Variants in ENTR1 observed in about 807,000 individuals in gnomAD.
ENTR1 encodes the protein endosome associated trafficking regulator 1, also known as endosome-associated-trafficking regulator 1.
ENTR1 carries 47 observed loss-of-function variants against 47.9 expected under a neutral mutation model. The ratio of observed to expected loss-of-function variants is 0.98; its 90% CI spans 0.78 to 1.25. ENTR1 has a LOEUF of 1.25. ENTR1 is among the 50% of genes most tolerant of loss of function. The pLI, the probability that ENTR1 is intolerant of heterozygous loss-of-function variation, is 0.00. For synonymous variants in ENTR1, 290 were observed against 245.8 expected (o/e 1.18, Z -1.68); for missense variants, 668 against 570.5 (o/e 1.17, Z -1.74).
Position 136,407,331 on chromosome 9 carries a change from G to T in ENTR1, c.633C>A (p.Tyr211Ter). 2 of 1,610,290 alleles carry T rather than the reference G, an allele frequency of 1.2e-6. No homozygotes were observed. Among genetic ancestry groups the T allele is most frequent in the South Asian group, 2.2e-5 (2 of 90,684 alleles). Residue 211 changes from tyrosine (Y) to a stop codon, truncating the protein, a stop_gained, in exon 5 of 10, where the codon TAC becomes TAA. Transcript: ENST00000357365. LOFTEE classifies it high-confidence loss of function. ...VPAGTSPCST[Y>*]LSFFSTPSEL... ...CCGACGGGGTGGAGAAAAAGGAAAGGTATGTGCTGCAGGGCGACGTGCCGG... is the reference window on the plus strand; with the variant it reads ...CCGACGGGGTGGAGAAAAAGGAAAGTTATGTGCTGCAGGGCGACGTGCCGG...
chr9:136,404,690 G>A lies in ENTR1; in HGVS notation c.1009C>T (p.Arg337Trp), dbSNP rs1332342756. 1.7e-5 allele frequency: 28 copies of A among 1,613,808 alleles called. No individual in the cohort carries two copies. Among genetic ancestry groups the A allele is most frequent in the East Asian group, 6.7e-5 (3 of 44,886 alleles). ...ACGTGGTTTTCTGCCTTTACAGCCC[G>A]TTTCTGTTACCCAAAAAAGAAAAAC... ...VEQNLELMTK[R>W]AVKAENHVVK... Residue 337 changes from arginine (R) to tryptophan (W), a missense_variant, in exon 8 of 10, where the codon CGG (arginine) becomes TGG (tryptophan). By Grantham distance (101) the Arg-to-Trp change is moderately radical (BLOSUM62 -3). Transcript: ENST00000357365.
At chr9:136,405,847 C>T (rs1042671439) in intron 6 of ENTR1, 58 bp downstream of exon 6, 202 of 1,064,710 alleles carry the variant, frequency 1.9e-4, no homozygotes, top group Non-Finnish European at 2.6e-4. Flanking sequence ...CATTTAAAAA[C>T]GGATTTCCCT....
At position 136,407,186 on chromosome 9, in the gene ENTR1, C is replaced by G. The variant is rs745653352; in HGVS notation, c.778G>C (p.Gly260Arg). Residue 260 changes from glycine (G) to arginine (R), a missense_variant, in exon 5 of 10, where the codon GGA becomes CGA. Physicochemically the swap from Gly to Arg is moderately radical, Grantham distance 125. Transcript: ENST00000357365. ...TGCAGCGTCCGCAGGTGCCTGTCTC[C>G]CAGAGACTCTCCATGAACCGCAAAG... ...ADFAVHGESL[G>R]DRHLRTLQIS... The G allele has an allele frequency of 6.2e-7, 1 of 1,610,970 alleles. No individual in the cohort carries two copies. The highest frequency in any genetic ancestry group is 8.5e-7 in the Non-Finnish European group (1 of 1,178,438).
chr9:136,408,918 T>C, intron 3 of ENTR1, 81 bp downstream of exon 3: 1 of 1,049,206 alleles, frequency 9.5e-7, no homozygotes, highest in Non-Finnish European at 1.5e-6. Context: ...ACATAGCCAG[T>C]CACATTGACA....
At chr9:136,405,695 T>C (rs143514627) in intron 6 of ENTR1, among the ~76,000 whole-genome samples, 2 of 152,372 alleles carry the variant, frequency 1.3e-5, no homozygotes, top group Non-Finnish European at 2.9e-5. Context: ...TGAGCCGTGA[T>C]TGCGCCACTG....
At position 136,407,563 on chromosome 9, in the gene ENTR1, TAAA is replaced by T. The variant is rs36076555; in HGVS notation, c.403-5_403-3del. On this transcript the variant is annotated splice_polypyrimidine_tract_variant and splice_region_variant and intron_variant, in intron 4 of 9. Transcript: ENST00000357365. ...TCCCAGGGAATGCCTCGAGGCTTCCTAAAAAAAAAAAAAAAAAAAAAACAATGG... is the reference window on the plus strand; with the variant it reads ...TCCCAGGGAATGCCTCGAGGCTTCCTAAAAAAAAAAAAAAAAAAACAATGG... The T allele has an allele frequency of 0.18, 226,215 of 1,286,160 alleles. 2,127 individuals carry two copies. The highest frequency in any genetic ancestry group is 0.24 in the Admixed American group (7,095 of 29,296). 79.7% of individuals were successfully genotyped at this position (1,286,160 alleles called of 1,614,324 possible). A position where few individuals can be genotyped will look rare whatever the true frequency, so the allele number is the denominator to read the frequency against.
At position 136,407,494 on chromosome 9, in the gene ENTR1, A is replaced by AG; in HGVS notation, c.469dup (p.Leu157ProfsTer16). 1 of 1,608,346 alleles carries AG rather than the reference A, an allele frequency of 6.2e-7. No homozygotes were observed. The highest frequency in any genetic ancestry group is 1.7e-5 in the Admixed American group (1 of 59,628). ...CTCGAAAAATGGCTGCTGATACTCC[A>AG]GGCCATACCCGCCGGTTTGGGAGGG... On this transcript the variant is annotated frameshift_variant, in exon 5 of 10. Transcript: ENST00000357365. LOFTEE classifies it high-confidence loss of function.
chr9:136,407,723 C>T, intron 4 of ENTR1, 103 bp downstream of exon 4: 2 of 1,350,320 alleles, frequency 1.5e-6, no homozygotes, highest in South Asian at 2.6e-5. Flanking sequence ...GCACTGACGC[C>T]TGCCTGCTCT....
chr9:136,407,475 A>G lies in ENTR1; in HGVS notation c.489T>C (p.Phe163=), dbSNP rs765174307. 6.2e-7 allele frequency: 1 copy of G among 1,611,244 alleles called. No homozygotes were observed. Among genetic ancestry groups the G allele is most frequent in the Admixed American group, 1.7e-5 (1 of 59,960 alleles). The change falls in exon 5 of 10, where the codon TTT becomes TTC. Residue 163 remains phenylalanine, a synonymous_variant. Coordinates refer to ENST00000357365, the MANE Select transcript of ENTR1 (RefSeq NM_001039707.2). ...GGYGLEYQQP[F]FEDPTGAGDL... The stretch of plus-strand genomic sequence containing the variant: ...CACCAGCCCCTGTCGGATCCTCGAA[A>G]AATGGCTGCTGATACTCCAGGCCAT...
In ENTR1 at chr9:136,410,204, G is replaced by A. The variant is rs1310013493; in HGVS notation, c.106C>T (p.Gln36Ter). 3.8e-6 allele frequency: 6 copies of A among 1,599,468 alleles called. No homozygotes were observed. The highest frequency in any genetic ancestry group is 1.7e-4 in the Middle Eastern group (1 of 6,044). The stretch of plus-strand genomic sequence containing the variant: ...CCATGGGGGCGCTCACAATTTAGCT[G>A]GGGGAGACAAGACCGGCGCTCATAG... Reference protein sequence around the residue: ...AFYERRSCLPQLNCERPHGRD... With the variant: ...AFYERRSCLP Residue 36 changes from glutamine (Q) to a stop codon, truncating the protein, a stop_gained, in exon 2 of 10, where the codon CAG becomes TAG. Transcript: ENST00000357365. LOFTEE classifies it high-confidence loss of function.
chr9:136,403,944 G>A (rs1466133225), intron 9 of ENTR1, 111 bp downstream of exon 9: 3 of 1,310,908 alleles, frequency 2.3e-6, no homozygotes, highest in African/African-American at 1.5e-5. Flanking sequence ...GCAGCTCCCT[G>A]GTCCTCCAGC....
chr9:136,404,495 G>A, intron 8 of ENTR1, 136 bp downstream of exon 8: 1 of 965,472 alleles, frequency 1.0e-6, no homozygotes, highest in Non-Finnish European at 1.6e-6. Flanking sequence ...GGAAGCGGCT[G>A]CTGTCCTCAT....
rs756787757 is a variant in ENTR1 at position 136,409,948 on chromosome 9, C to T, written c.220+142G>A. 5 of 1,022,154 alleles carry T rather than the reference C, an allele frequency of 4.9e-6. No homozygotes were observed. In the South Asian group the frequency reaches 6.8e-5, roughly 14 times the overall value. The allele number at this position is 1,022,154 out of a possible 1,614,324, so 63.3% of individuals were successfully genotyped here. On this transcript the variant is annotated intron_variant, in intron 2 of 9. Coordinates refer to ENST00000357365, the MANE Select transcript of ENTR1 (RefSeq NM_001039707.2). ...ACTGTGAGCTCCTAGCAGGGGACTC[C>T]GCCTTTGAATTCCGAGTGCCTGGCA...
rs761319963 is a variant in ENTR1 at position 136,407,251 on chromosome 9, C to G, written c.713G>C (p.Arg238Pro). Reference protein sequence around the residue: ...PSWALSDTDSRVSPASPAGSP... With the variant: ...PSWALSDTDSPVSPASPAGSP... ...CCCTGCCGGAGAGGCCGGAGACACG[C>G]GAGAATCAGTGTCACTCAACGCCCA... The change falls in exon 5 of 10, where the codon CGC (arginine) becomes CCC (proline). Residue 238 changes from arginine to proline, a missense_variant. Transcript: ENST00000357365. 1.2e-6 allele frequency: 2 copies of G among 1,613,098 alleles called. No homozygotes were observed. The highest frequency in any genetic ancestry group is 8.5e-7 in the Non-Finnish European group (1 of 1,179,980).
rs921970593 is a variant in ENTR1, at chr9:136,410,610, G to T, written c.-213C>A. 7.7e-7 allele frequency: 1 copy of T among 1,302,744 alleles called. No individual in the cohort carries two copies. The highest frequency in any genetic ancestry group is 9.8e-7 in the Non-Finnish European group (1 of 1,020,506). The allele number at this position is 1,302,744 out of a possible 1,614,324, so 80.7% of individuals were successfully genotyped here. On this transcript the variant is annotated 5_prime_UTR_variant, in exon 1 of 10. Transcript: ENST00000357365. ...TGAACGCCTTGGGCCGTCGGCGAGG[G>T]GGAGGGGAAGCCGTGGGCGGAAGCG...
chr9:136,408,594 A>C (rs150819473), intron 3 of ENTR1, among the ~76,000 whole-genome samples: 46 of 151,600 alleles, frequency 3.0e-4, no homozygotes, highest in African/African-American at 7.5e-4. Context: ...CAACAACAAC[A>C]ACCAGCTCCT....
At position 136,407,563 on chromosome 9, in the gene ENTR1, TAAAAA is replaced by T. The variant is rs36076555; in HGVS notation, c.403-7_403-3del. 1,317 of 1,317,302 alleles carry T rather than the reference TAAAAA, an allele frequency of 1.0e-3. No homozygotes were observed. Among genetic ancestry groups the T allele is most frequent in the Admixed American group, 3.0e-3 (88 of 29,788 alleles). 81.6% of individuals were successfully genotyped at this position (1,317,302 alleles called of 1,614,324 possible). A position where few individuals can be genotyped will look rare whatever the true frequency, so the allele number is the denominator to read the frequency against. On this transcript the variant is annotated splice_polypyrimidine_tract_variant and splice_region_variant and intron_variant, in intron 4 of 9. Transcript: ENST00000357365. ...TCCCAGGGAATGCCTCGAGGCTTCC[TAAAAA>T]AAAAAAAAAAAAAAAAACAATGGAG...
chr9:136,410,298 A>G (rs1835037751), intron 1 of ENTR1, 30 bp downstream of exon 1: 4 of 1,550,248 alleles, frequency 2.6e-6, no homozygotes. Flanking sequence ...GCCCACCTGG[A>G]CCGCTGGACT....
At position 136,404,548 on chromosome 9, in the gene ENTR1, G is replaced by A. The variant is rs1043587928; in HGVS notation, c.1068+83C>T. 3 of 1,439,436 alleles carry A rather than the reference G, an allele frequency of 2.1e-6. No homozygotes were observed. The African/African-American group carries it at 4.2e-5, about 20-fold the overall frequency. 89.2% of individuals were successfully genotyped at this position (1,439,436 alleles called of 1,614,324 possible). ...CTTGGGCTCAGGGGAAACCCCAGCA[G>A]AGTCTTTCGCCTCTTTCTTACTGAA... On this transcript the variant is annotated intron_variant, in intron 8 of 9. Transcript: ENST00000357365.
Sources: gnomAD v4.1 joint callset for allele counts (sites outside exome capture counted in the v4.1 genomes callset) on GRCh38, gnomAD v4.1.1 for gene constraint, MANE v1.5 for transcripts, NCBI Gene and HGNC (gene_info 2026-07-23, HGNC 2026-07-21) for gene names.